The following RBFOX1 variants were observed in gnomAD, a reference collection of about 807,000 sequenced individuals.
The protein encoded by RBFOX1 is RNA binding protein fox-1 homolog 1.
Under a neutral mutation model 57.7 loss-of-function variants are expected in RBFOX1, and 8 were observed. That is an observed-to-expected ratio of 0.14 (90% CI 0.08 to 0.25). RBFOX1 has a LOEUF of 0.25. Among genes scored for constraint, RBFOX1 ranks in the 10% least tolerant of loss-of-function variants. The probability of loss-of-function intolerance (pLI) is 1.00; values close to 1 mark genes in which losing one functional copy is unlikely to be tolerated. For synonymous variants in RBFOX1, 326 were observed against 222.4 expected (o/e 1.47, Z -4.15); for missense variants, 611 against 548.5 (o/e 1.11, Z -1.14).
intron 3 of RBFOX1, among the ~76,000 whole-genome samples, chr16:6,680,827 C>T (rs1047643002): frequency 2.0e-5 from 3 of 152,146 alleles, no homozygotes; most frequent in Non-Finnish European, 4.4e-5. Flanking sequence ...ATATTAAAAG[C>T]TTCTTGGTTA....
At chr16:6,598,946 AAAAAC>A (rs139494676) in intron 2 of RBFOX1, among the ~76,000 whole-genome samples, 56,925 of 136,070 alleles carry the variant, frequency 0.42, 12,771 homozygotes, top group Middle Eastern at 0.56. Context: ...ACTCCATGTT[AAAAAC>A]AAAACAAAAC....
chr16:5,870,983 G>C (rs980473930), intron 4 of RBFOX1, among the ~76,000 whole-genome samples: 1 of 152,170 alleles, frequency 6.6e-6, no homozygotes, highest in Admixed American at 6.5e-5. Flanking sequence ...CAGAATCAGT[G>C]AGAATGAGTG....
At chr16:7,575,055 G>C (rs2093192673) in intron 5 of RBFOX1, among the ~76,000 whole-genome samples, 1 of 151,768 alleles carries the variant, frequency 6.6e-6, no homozygotes, top group Non-Finnish European at 1.5e-5. Flanking sequence ...TTATTTGGGG[G>C]GGGCTGTGGG....
intron 3 of RBFOX1, among the ~76,000 whole-genome samples, chr16:5,732,423 A>T (rs946896637): frequency 6.6e-6 from 1 of 152,216 alleles, no homozygotes; most frequent in African/African-American, 2.4e-5. Flanking sequence ...TAGTGGCAGT[A>T]TGATTGTCTC....
chr16:6,490,958 G>A (rs1373922306), intron 2 of RBFOX1, among the ~76,000 whole-genome samples: 2 of 152,006 alleles, frequency 1.3e-5, no homozygotes, highest in Non-Finnish European at 2.9e-5. Context: ...TCTAAGTGTT[G>A]GTTCAGGAAA....
At chr16:5,608,655 C>G (rs1347397399) in intron 3 of RBFOX1, among the ~76,000 whole-genome samples, 2 of 152,298 alleles carry the variant, frequency 1.3e-5, no homozygotes, top group East Asian at 1.9e-4. Flanking sequence ...TCAGCTCTGT[C>G]CAGTTTGAGT....
At chr16:6,823,405 C>A (rs7200608) in intron 3 of RBFOX1, among the ~76,000 whole-genome samples, 14,956 of 151,866 alleles carry the variant, frequency 0.098, 938 homozygotes, top group East Asian at 0.3. Context: ...TATATATGTG[C>A]GCCACCACAC....
intron 3 of RBFOX1, among the ~76,000 whole-genome samples, chr16:6,668,808 A>G (rs990225910): frequency 3.2e-5 from 1 of 30,930 alleles, no homozygotes; most frequent in African/African-American, 9.5e-5. Context: ...TTTACTTAAA[A>G]GAAGCAAGTC....
At chr16:6,830,648 C>G (rs1424731766) in intron 3 of RBFOX1, among the ~76,000 whole-genome samples, 2 of 152,122 alleles carry the variant, frequency 1.3e-5, no homozygotes, top group African/African-American at 4.8e-5. Flanking sequence ...TATAGAACAG[C>G]TCTTACACAA....
chr16:7,117,616 G>A (rs2066195987), intron 4 of RBFOX1, among the ~76,000 whole-genome samples: 1 of 152,204 alleles, frequency 6.6e-6, no homozygotes, highest in Non-Finnish European at 1.5e-5. Context: ...AGCTCATAGA[G>A]CTTTTGGAAG....
chr16:7,698,764 C>G (rs1325029289), intron 14 of RBFOX1, among the ~76,000 whole-genome samples: 2 of 152,214 alleles, frequency 1.3e-5, no homozygotes, highest in African/African-American at 2.4e-5. Context: ...GTACAGGGAG[C>G]TAAGGGGCCA....
intron 3 of RBFOX1, among the ~76,000 whole-genome samples, chr16:7,027,919 G>T (rs1473450766): frequency 6.6e-6 from 1 of 150,942 alleles, no homozygotes; most frequent in Non-Finnish European, 1.5e-5. Context: ...AGAAAAGAAG[G>T]GAAAAGAGAA....
At chr16:6,718,322 A>G (rs62015934) in intron 3 of RBFOX1, among the ~76,000 whole-genome samples, 7,519 of 152,300 alleles carry the variant, frequency 0.049, 298 homozygotes, top group Non-Finnish European at 0.073. Context: ...TGTCTTTAGT[A>G]AATACACTAC....
intron 3 of RBFOX1, among the ~76,000 whole-genome samples, chr16:7,026,477 C>T (rs375431765): frequency 6.6e-5 from 10 of 152,166 alleles, no homozygotes; most frequent in African/African-American, 2.2e-4. Flanking sequence ...ATTTTTTTCA[C>T]ACTTCCAATC....
At chr16:6,284,618 G>A (rs529718066) in intron 1 of RBFOX1, among the ~76,000 whole-genome samples, 106 of 152,276 alleles carry the variant, frequency 7.0e-4, no homozygotes, top group African/African-American at 2.5e-3. Context: ...CTGGAGTCAG[G>A]AAAAGTTGGG....
chr16:6,998,018 A>G (rs2092417686), intron 3 of RBFOX1, among the ~76,000 whole-genome samples: 1 of 152,142 alleles, frequency 6.6e-6, no homozygotes, highest in South Asian at 2.1e-4. Flanking sequence ...TTGAAGGTAA[A>G]TGCCGTTCTT....
intron 4 of RBFOX1, among the ~76,000 whole-genome samples, chr16:7,445,253 T>C (rs2098799339): frequency 6.6e-6 from 1 of 152,098 alleles, no homozygotes; most frequent in South Asian, 2.1e-4. Flanking sequence ...TGGAAAGAAA[T>C]TAATAATAGG....
chr16:6,938,015 G>A (rs767877157), intron 3 of RBFOX1, among the ~76,000 whole-genome samples: 5 of 151,362 alleles, frequency 3.3e-5, no homozygotes, highest in Non-Finnish European at 7.4e-5. Flanking sequence ...TTTATTTTTG[G>A]TTTACGCAAG....
intron 2 of RBFOX1, among the ~76,000 whole-genome samples, chr16:5,575,164 C>T (rs917067967): frequency 6.6e-6 from 1 of 152,202 alleles, no homozygotes. Flanking sequence ...TATGATGCTT[C>T]TGTTACCCTA....
Sources: allele counts gnomAD v4.1 joint callset (sites outside exome capture counted in the v4.1 genomes callset), GRCh38; gene constraint gnomAD v4.1.1; transcripts MANE v1.5; gene names NCBI Gene and HGNC (gene_info 2026-07-23, HGNC 2026-07-21).